Variants in NRXN1 observed in about 807,000 individuals in gnomAD.
NRXN1 encodes neurexin 1.
In NRXN1, 39 loss-of-function variants were observed where a neutral mutation model predicts 150.9. The observed-to-expected ratio is 0.26, with a 90% CI of 0.20 to 0.34. The LOEUF is 0.34. NRXN1 is among the 10% of genes least tolerant of loss of function. The pLI is 1.00. For missense variants in NRXN1, 1,815 were observed against 1,949.9 expected (o/e 0.93, Z 1.30); for synonymous variants, 924 against 757.0 (o/e 1.22, Z -3.62).
At chr2:50,818,086 T>C (rs934622996) in intron 5 of NRXN1, among the ~76,000 whole-genome samples, 11 of 123,320 alleles carry the variant, frequency 8.9e-5, no homozygotes, top group East Asian at 2.3e-4. Flanking sequence ...CTTGATTTTA[T>C]ATGTAGAAAA....
intron 5 of NRXN1, among the ~76,000 whole-genome samples, chr2:50,921,407 A>G (rs1686015551): frequency 6.6e-6 from 1 of 151,834 alleles, no homozygotes; most frequent in South Asian, 2.1e-4. Flanking sequence ...GTTCATGTGC[A>G]TAAATGACAC....
At chr2:50,466,950 C>T (rs1410711272) in intron 16 of NRXN1, among the ~76,000 whole-genome samples, 1 of 151,696 alleles carries the variant, frequency 6.6e-6, no homozygotes, top group Non-Finnish European at 1.5e-5. Flanking sequence ...GCAATTAAGG[C>T]TTCAAACCGT....
At chr2:50,438,238 T>C (rs2085622101) in intron 17 of NRXN1, among the ~76,000 whole-genome samples, 1 of 152,188 alleles carries the variant, frequency 6.6e-6, no homozygotes, top group South Asian at 2.1e-4. Context: ...GTTAACTGAG[T>C]GTACAAGAAC....
chr2:50,686,803 G>A (rs1455449189), intron 5 of NRXN1, among the ~76,000 whole-genome samples: 5 of 152,152 alleles, frequency 3.3e-5, no homozygotes, highest in African/African-American at 1.2e-4. Flanking sequence ...GGAAATGCAC[G>A]GTGATGGGTT....
intron 17 of NRXN1, among the ~76,000 whole-genome samples, chr2:50,407,497 C>T (rs977438264): frequency 1.3e-5 from 2 of 152,094 alleles, no homozygotes; most frequent in African/African-American, 4.8e-5. Context: ...TATGTGTCCC[C>T]TCCAAAACTC....
chr2:49,938,380 T>A (rs1352775807), intron 22 of NRXN1, among the ~76,000 whole-genome samples: 3 of 152,204 alleles, frequency 2.0e-5, no homozygotes, highest in Admixed American at 2.0e-4. Flanking sequence ...TATTGCTATT[T>A]ATCATTGCTT....
chr2:50,123,817 A>G (rs1448799968), intron 18 of NRXN1, among the ~76,000 whole-genome samples: 1 of 152,198 alleles, frequency 6.6e-6, no homozygotes, highest in African/African-American at 2.4e-5. Flanking sequence ...AACAGGCAGT[A>G]TGAATTGCTA....
intron 5 of NRXN1, among the ~76,000 whole-genome samples, chr2:50,858,738 C>A (rs1675637276): frequency 6.6e-6 from 1 of 152,066 alleles, no homozygotes; most frequent in African/African-American, 2.4e-5. Flanking sequence ...AATGAAAAAT[C>A]AGGAGGGTTG....
intron 5 of NRXN1, among the ~76,000 whole-genome samples, chr2:50,895,568 G>GTTT (rs138568275): frequency 4.1e-5 from 6 of 145,582 alleles, no homozygotes; most frequent in East Asian, 2.0e-4. Flanking sequence ...TTTTTTGGTT[G>GTTT]TTTTTTTTGT....
intron 5 of NRXN1, among the ~76,000 whole-genome samples, chr2:50,741,058 C>T (rs1009659112): frequency 1.8e-4 from 27 of 152,076 alleles, no homozygotes; most frequent in Admixed American, 1.4e-3. Context: ...ACTTACTGCA[C>T]GCAGAGCATA....
intron 22 of NRXN1, among the ~76,000 whole-genome samples, chr2:49,936,841 C>CACACAT (rs1671131464): frequency 6.6e-6 from 1 of 151,676 alleles, no homozygotes; most frequent in African/African-American, 2.4e-5. Context: ...CACACACACA[C>CACACAT]ATATGAAATA....
At chr2:50,779,227 A>G (rs1314578377) in intron 5 of NRXN1, among the ~76,000 whole-genome samples, 1 of 146,614 alleles carries the variant, frequency 6.8e-6, no homozygotes, top group Non-Finnish European at 1.5e-5. Flanking sequence ...CCCTGTGTCC[A>G]TGTGTTCTCA....
At chr2:50,286,684 G>A (rs2072227026) in intron 17 of NRXN1, among the ~76,000 whole-genome samples, 1 of 152,000 alleles carries the variant, frequency 6.6e-6, no homozygotes, top group Non-Finnish European at 1.5e-5. Flanking sequence ...AAAAATCTCT[G>A]ACATCCTATT....
chr2:50,394,723 T>C (rs2081955133), intron 17 of NRXN1, among the ~76,000 whole-genome samples: 1 of 152,060 alleles, frequency 6.6e-6, no homozygotes. Context: ...ATCCTCATGA[T>C]CAAATGTTCC....
chr2:50,337,313 G>A (rs112345315), intron 17 of NRXN1, among the ~76,000 whole-genome samples: 9,173 of 151,964 alleles, frequency 0.06, 715 homozygotes, highest in African/African-American at 0.18. Flanking sequence ...TCGAACTCCC[G>A]ACCTCAAATG....
intron 18 of NRXN1, among the ~76,000 whole-genome samples, chr2:50,186,360 G>A (rs999890947): frequency 7.9e-5 from 12 of 151,904 alleles, no homozygotes; most frequent in African/African-American, 2.9e-4. Flanking sequence ...AAAGATATCA[G>A]ATTTTAAAGG....
intron 5 of NRXN1, among the ~76,000 whole-genome samples, chr2:50,746,287 G>A (rs971350608): frequency 1.3e-5 from 2 of 152,220 alleles, no homozygotes; most frequent in African/African-American, 4.8e-5. Flanking sequence ...GATGGGCACA[G>A]GGGCTCATGC....
chr2:49,984,291 C>T (rs1382296454), intron 21 of NRXN1, among the ~76,000 whole-genome samples: 1 of 152,098 alleles, frequency 6.6e-6, no homozygotes, highest in East Asian at 1.9e-4. Context: ...AAATCAGAAC[C>T]AGAATTCACA....
rs114949247 is a variant in NRXN1 at position 50,263,870 on chromosome 2, C to T, written c.3365-26900G>A. On this transcript the variant is annotated intron_variant, in intron 17 of 22. Transcript: ENST00000401669. ...TATTGATTGGCTATTTGGCTTGGGA[C>T]CAGCATAGACCAGAATTGGTCTAGA... 4.1e-3 allele frequency among the ~76,000 whole-genome samples: 630 copies of T among 152,124 alleles called. 4 individuals are homozygous for T. The highest frequency in any genetic ancestry group is 0.014 in the African/African-American group (593 of 41,524).
Sources: allele counts gnomAD v4.1 joint callset (sites outside exome capture counted in the v4.1 genomes callset), GRCh38; gene constraint gnomAD v4.1.1; transcripts MANE v1.5; gene names NCBI Gene and HGNC (gene_info 2026-07-23, HGNC 2026-07-21).